Variants in LEMD3 observed in about 807,000 individuals in gnomAD.
The protein encoded by LEMD3 is LEM domain containing 3.
Under a neutral mutation model 95.2 loss-of-function variants are expected in LEMD3, and 33 were observed. That is an observed-to-expected ratio of 0.35 (90% CI 0.26 to 0.46). The LOEUF is 0.46. Among genes scored for constraint, LEMD3 ranks in the 20% least tolerant of loss-of-function variants. The pLI, the probability that LEMD3 is intolerant of heterozygous loss-of-function variation, is 1.00. For synonymous variants in LEMD3, 525 were observed against 474.6 expected (o/e 1.11, Z -1.38); for missense variants, 1,210 against 1,192.8 (o/e 1.01, Z -0.21).
At chr12:65,216,128 C>G (rs911079690) in intron 3 of LEMD3, 85 bp downstream of exon 3, 3 of 873,518 alleles carry the variant, frequency 3.4e-6, no homozygotes, top group Non-Finnish European at 3.8e-6. Context: ...TTTTCCAAGT[C>G]CAGTGTTATA....
At position 65,245,869 on chromosome 12, in the gene LEMD3, A is replaced by T. The variant is rs1425626904; in HGVS notation, c.2502A>T (p.Val834=). 6.2e-7 allele frequency: 1 copy of T among 1,611,770 alleles called. No individual in the cohort carries two copies. The highest frequency in any genetic ancestry group is 1.3e-5 in the African/African-American group (1 of 74,958). The change falls in exon 12 of 13, where the codon GTA becomes GTT. Residue 834 remains valine (V), a synonymous_variant. Coordinates refer to ENST00000308330, the MANE Select transcript of LEMD3 (RefSeq NM_014319.5). ...CTTTTTTAATATCACAGGGTTGTGT[A>T]TATGTTAAATGTCTGTCTCCAGAAT... ...AVDKNSREGC[V]YVKCLSPEYA...
chr12:65,223,089 T>C (rs530289710), intron 4 of LEMD3, among the ~76,000 whole-genome samples: 3 of 152,242 alleles, frequency 2.0e-5, no homozygotes, highest in African/African-American at 7.2e-5. Context: ...CATGTGCACT[T>C]CATAAGAATG....
intron 1 of LEMD3, among the ~76,000 whole-genome samples, chr12:65,174,660 A>T (rs981810155): frequency 6.6e-6 from 1 of 151,566 alleles, no homozygotes; most frequent in African/African-American, 2.4e-5. Context: ...GTGTGTGTGT[A>T]TGTGTGTGTG....
intron 1 of LEMD3, among the ~76,000 whole-genome samples, chr12:65,208,369 G>A (rs1197962789): frequency 2.0e-5 from 3 of 152,096 alleles, no homozygotes; most frequent in African/African-American, 7.2e-5. Context: ...TAAGGGATAA[G>A]AGCTGTAATT....
chr12:65,240,729 A>G, intron 8 of LEMD3, 180 bp from the exon 9 acceptor site: 1 of 623,600 alleles, frequency 1.6e-6, no homozygotes. Flanking sequence ...TTTGTGCTCT[A>G]GCTCTGGAAA....
At chr12:65,215,001 T>G (rs970134380) in intron 2 of LEMD3, among the ~76,000 whole-genome samples, 8 of 152,208 alleles carry the variant, frequency 5.3e-5, no homozygotes, top group African/African-American at 1.9e-4. Context: ...CATTGTACAT[T>G]CTGGCCCGGG....
At chr12:65,194,528 C>T (rs183161528) in intron 1 of LEMD3, among the ~76,000 whole-genome samples, 236 of 151,614 alleles carry the variant, frequency 1.6e-3, no homozygotes, top group Non-Finnish European at 2.6e-3. Context: ...CTACAAGGAC[C>T]TGTTGAGTCA....
intron 1 of LEMD3, among the ~76,000 whole-genome samples, chr12:65,179,259 C>G (rs2136318324): frequency 6.6e-6 from 1 of 151,856 alleles, no homozygotes; most frequent in South Asian, 2.1e-4. Flanking sequence ...TCATATTTTC[C>G]CTTTATACTC....
At chr12:65,187,205 A>G (rs1242691810) in intron 1 of LEMD3, among the ~76,000 whole-genome samples, 1 of 152,064 alleles carries the variant, frequency 6.6e-6, no homozygotes, top group Non-Finnish European at 1.5e-5. Context: ...TAGCTACTTC[A>G]GGGGTTTGAG....
intron 1 of LEMD3, among the ~76,000 whole-genome samples, chr12:65,204,573 C>G (rs1869706157): frequency 6.6e-6 from 1 of 152,138 alleles, no homozygotes; most frequent in Non-Finnish European, 1.5e-5. Context: ...TTTATCCAGT[C>G]TATCACTGAT....
At chr12:65,195,319 G>A (rs895417107) in intron 1 of LEMD3, among the ~76,000 whole-genome samples, 1 of 151,750 alleles carries the variant, frequency 6.6e-6, no homozygotes, top group African/African-American at 2.4e-5. Flanking sequence ...AAATATATAG[G>A]CAGATATAAA....
intron 2 of LEMD3, among the ~76,000 whole-genome samples, chr12:65,214,948 G>C (rs1203809823): frequency 6.6e-6 from 1 of 152,074 alleles, no homozygotes; most frequent in East Asian, 1.9e-4. Context: ...TCTCTATCTG[G>C]ACTCTTTTCA....
intron 1 of LEMD3, among the ~76,000 whole-genome samples, chr12:65,208,307 G>A (rs1869826486): frequency 2.0e-5 from 3 of 152,032 alleles, no homozygotes; most frequent in African/African-American, 7.2e-5. Context: ...GCCTTTAGGG[G>A]ATGGAAGAGT....
At chr12:65,202,485 G>A (rs1162481997) in intron 1 of LEMD3, among the ~76,000 whole-genome samples, 2 of 152,052 alleles carry the variant, frequency 1.3e-5, no homozygotes, top group Non-Finnish European at 2.9e-5. Flanking sequence ...TACTATGTTG[G>A]ATGGAATTTG....
At chr12:65,173,519 C>T (rs1340924150) in intron 1 of LEMD3, among the ~76,000 whole-genome samples, 3 of 152,162 alleles carry the variant, frequency 2.0e-5, no homozygotes, top group Non-Finnish European at 4.4e-5. Context: ...GGTCAAGCTC[C>T]TTAATCTCTG....
intron 4 of LEMD3, among the ~76,000 whole-genome samples, chr12:65,221,257 C>A (rs992469927): frequency 6.3e-5 from 9 of 143,556 alleles, no homozygotes; most frequent in Middle Eastern, 3.8e-3. Context: ...GTATCTAAAT[C>A]TTTCTAATGC....
chr12:65,178,216 G>GAA (rs796489704), intron 1 of LEMD3, among the ~76,000 whole-genome samples: 2 of 138,496 alleles, frequency 1.4e-5, no homozygotes, highest in African/African-American at 2.6e-5. Context: ...TGCTTTGTAA[G>GAA]AAAAAAAAAA....
intron 1 of LEMD3, among the ~76,000 whole-genome samples, chr12:65,208,443 T>C (rs545741409): frequency 2.6e-4 from 40 of 152,152 alleles, no homozygotes; most frequent in Non-Finnish European, 5.6e-4. Flanking sequence ...AAATTTTTGC[T>C]GTGGGATGCT....
intron 1 of LEMD3, among the ~76,000 whole-genome samples, chr12:65,178,326 TC>T (rs1335994901): frequency 6.6e-5 from 10 of 152,216 alleles, no homozygotes; most frequent in African/African-American, 2.2e-4. Context: ...AAAATGTTTT[TC>T]ATTTGAAAAT....
Sources: allele counts gnomAD v4.1 joint callset (sites outside exome capture counted in the v4.1 genomes callset), GRCh38; gene constraint gnomAD v4.1.1; transcripts MANE v1.5; gene names NCBI Gene and HGNC (gene_info 2026-07-23, HGNC 2026-07-21).